The following FBXL4 variants were observed in gnomAD, a reference collection of about 807,000 sequenced individuals.
FBXL4 encodes the protein F-box and leucine rich repeat protein 4.
A neutral mutation model predicts 58.9 loss-of-function variants in FBXL4; 40 were observed. The observed-to-expected ratio is 0.68, with a 90% CI of 0.53 to 0.88. The LOEUF is 0.88. FBXL4 is among the 40% of genes least tolerant of loss of function. The probability of loss-of-function intolerance (pLI) is 0.00; values close to 1 mark genes in which losing one functional copy is unlikely to be tolerated. For synonymous variants in FBXL4, 263 were observed against 265.5 expected (o/e 0.99, Z 0.09); for missense variants, 676 against 734.4 (o/e 0.92, Z 0.92).
At chr6:98,927,200 A>T (rs1772825338) in intron 3 of FBXL4, 140 bp from the exon 4 acceptor site, 1 of 488,968 alleles carries the variant, frequency 2.0e-6, no homozygotes, top group Admixed American at 3.7e-5. Flanking sequence ...TACAAATGTG[A>T]AGTCTGGTAT....
At chr6:98,890,973 A>C (rs1771206163) in intron 7 of FBXL4, among the ~76,000 whole-genome samples, 1 of 152,224 alleles carries the variant, frequency 6.6e-6, no homozygotes, top group Non-Finnish European at 1.5e-5. Flanking sequence ...AACTATTTAA[A>C]GTACTTGAAA....
chr6:98,921,406 T>C (rs900125773), intron 4 of FBXL4, among the ~76,000 whole-genome samples: 21 of 151,374 alleles, frequency 1.4e-4, no homozygotes, highest in Admixed American at 2.0e-4. Flanking sequence ...AGCCAGTAAG[T>C]ATATCTAGTA....
At chr6:98,880,112 C>T (rs1163043791) in intron 8 of FBXL4, among the ~76,000 whole-genome samples, 2 of 151,940 alleles carry the variant, frequency 1.3e-5, no homozygotes, top group African/African-American at 4.8e-5. Flanking sequence ...GTAAAACAAA[C>T]ACAAAAACAA....
Position 98,871,897 on chromosome 6 carries a change from C to T in FBXL4, c.*2381G>A, listed in dbSNP as rs913407118. 2.0e-5 allele frequency: 3 copies of T among 152,114 alleles called. No homozygotes were observed. Among genetic ancestry groups the T allele is most frequent in the African/African-American group, 7.2e-5 (3 of 41,410 alleles). 9.4% of individuals were successfully genotyped at this position (152,114 alleles called of 1,614,324 possible). ...CATTTTTCTGAAAAAGAAGACATGT[C>T]CTCAATCACTATTATGGAACACTGA... On this transcript the variant is annotated 3_prime_UTR_variant, in exon 10 of 10. Coordinates refer to ENST00000369244, the MANE Select transcript of FBXL4 (RefSeq NM_001278716.2).
intron 5 of FBXL4, among the ~76,000 whole-genome samples, chr6:98,909,318 C>G (rs574844888): frequency 6.6e-6 from 1 of 152,138 alleles, no homozygotes; most frequent in Non-Finnish European, 1.5e-5. Context: ...GTCCCAATCA[C>G]TGTCATCTAT....
intron 4 of FBXL4, among the ~76,000 whole-genome samples, chr6:98,918,695 C>T (rs1772466707): frequency 6.6e-6 from 1 of 151,860 alleles, no homozygotes; most frequent in Admixed American, 6.6e-5. Flanking sequence ...TTCTCTATTC[C>T]TAATTATTTA....
rs368561626 is a variant in FBXL4, at chr6:98,926,217, T to C, written c.512+260A>G. Reference sequence around the variant, plus strand: ...CCCATGTCCCTATGAGTTCAAATTGTGCTTTTTGGTTTTGGTAAATTTTAT... The same window carrying C: ...CCCATGTCCCTATGAGTTCAAATTGCGCTTTTTGGTTTTGGTAAATTTTAT... On this transcript the variant is annotated intron_variant, in intron 4 of 9. Transcript: ENST00000369244. Among the ~76,000 whole-genome samples the C allele has an allele frequency of 1.1e-4, 17 of 152,296 alleles. 1 individual carries two copies. Among genetic ancestry groups the C allele is most frequent in the African/African-American group, 4.1e-4 (17 of 41,560 alleles).
chr6:98,906,283 G>A (rs754706793), intron 5 of FBXL4, among the ~76,000 whole-genome samples: 50 of 151,620 alleles, frequency 3.3e-4, no homozygotes, highest in Admixed American at 1.4e-3. Flanking sequence ...CCATCAACCC[G>A]TCACCTACAT....
intron 6 of FBXL4, among the ~76,000 whole-genome samples, chr6:98,900,889 C>T (rs1425842667): frequency 6.6e-6 from 1 of 152,144 alleles, no homozygotes. Context: ...CACATAACTC[C>T]CTCTCTTGGA....
At chr6:98,893,595 AG>A (rs985799906) in intron 7 of FBXL4, among the ~76,000 whole-genome samples, 3 of 152,234 alleles carry the variant, frequency 2.0e-5, no homozygotes, top group African/African-American at 7.2e-5. Flanking sequence ...TACGAATTTC[AG>A]GGAGATACAA....
chr6:98,929,052 T>C (rs1413496270), intron 2 of FBXL4, among the ~76,000 whole-genome samples: 4 of 152,160 alleles, frequency 2.6e-5, no homozygotes, highest in Non-Finnish European at 5.9e-5. Context: ...TTTCTCAAAG[T>C]ACACAGTACA....
rs756122748 is a variant in FBXL4 at position 98,934,824 on chromosome 6, A to C, written c.-253T>G. The C allele has an allele frequency of 2.6e-5, 4 of 152,328 alleles. No homozygotes were observed. The South Asian group carries it at 6.2e-4, about 24-fold the overall frequency. 9.4% of individuals were successfully genotyped at this position (152,328 alleles called of 1,614,324 possible). On this transcript the variant is annotated 5_prime_UTR_variant, in exon 2 of 10. Transcript: ENST00000369244. Reference sequence around the variant, plus strand: ...TATCCAGCTTCAAAGCTTCTTGAAAATCCAAGCGAATGAAGCAAATGGAGA... The same window carrying C: ...TATCCAGCTTCAAAGCTTCTTGAAACTCCAAGCGAATGAAGCAAATGGAGA...
At chr6:98,908,741 C>T (rs75542372) in intron 5 of FBXL4, among the ~76,000 whole-genome samples, 1 of 150,802 alleles carries the variant, frequency 6.6e-6, no homozygotes, top group African/African-American at 2.4e-5. Context: ...TTTTTTTTAA[C>T]AACAGAAACA....
At position 98,896,961 on chromosome 6, in the gene FBXL4, G is replaced by A; in HGVS notation, c.1317+2307C>T. On this transcript the variant is annotated intron_variant, in intron 7 of 9. Coordinates refer to ENST00000369244, the MANE Select transcript of FBXL4 (RefSeq NM_001278716.2). ...GAAAACTGTAGACTAATAATTCTCT[G>A]ACACTTAGATCACATTACTATACAA... 7 of 985,100 alleles carry A rather than the reference G, an allele frequency of 7.1e-6. No individual in the cohort carries two copies. In the African/African-American group the frequency reaches 1.0e-4, roughly 15 times the overall value. The allele number at this position is 985,100 out of a possible 1,614,324, so 61.0% of individuals were successfully genotyped here. A position where few individuals can be genotyped will look rare whatever the true frequency, so the allele number is the denominator to read the frequency against.
At position 98,926,697 on chromosome 6, in the gene FBXL4, G is replaced by A. The variant is rs1554222130; in HGVS notation, c.292C>T (p.Arg98Ter). The A allele has an allele frequency of 2.2e-5, 35 of 1,614,054 alleles. No individual in the cohort carries two copies. Among genetic ancestry groups the A allele is most frequent in the Non-Finnish European group, 2.9e-5 (34 of 1,180,042 alleles). Residue 98 changes from arginine to a stop codon, truncating the protein, a stop_gained, in exon 4 of 10, where the codon CGA becomes TGA. Coordinates refer to ENST00000369244, the MANE Select transcript of FBXL4 (RefSeq NM_001278716.2). LOFTEE classifies it high-confidence loss of function. Reference sequence around the variant, plus strand: ...TGATCCCACCATGTCCCATAAGTTCGAAACACAGCTGTCTGAGTAAAGTCA... The same window carrying A: ...TGATCCCACCATGTCCCATAAGTTCAAAACACAGCTGTCTGAGTAAAGTCA... ...SGDFTQTAVF[R>*]TYGTWWDQCP...
At chr6:98,879,678 C>T (rs1347583363) in intron 8 of FBXL4, among the ~76,000 whole-genome samples, 1 of 151,920 alleles carries the variant, frequency 6.6e-6, no homozygotes, top group African/African-American at 2.4e-5. Context: ...GTCAGGAGTT[C>T]AAGACCAGCC....
intron 1 of FBXL4, among the ~76,000 whole-genome samples, chr6:98,941,532 T>C (rs1194456054): frequency 6.6e-6 from 1 of 152,158 alleles, no homozygotes; most frequent in East Asian, 1.9e-4. Context: ...GATACTCTAG[T>C]ATTGATTTGG....
chr6:98,936,326 C>A (rs1372037995), intron 1 of FBXL4, among the ~76,000 whole-genome samples: 2 of 152,202 alleles, frequency 1.3e-5, no homozygotes, highest in East Asian at 3.8e-4. Flanking sequence ...ACAACCTATG[C>A]CAAGCAAAAA....
intron 2 of FBXL4, among the ~76,000 whole-genome samples, chr6:98,929,639 A>AG (rs1340027185): frequency 1.3e-5 from 2 of 152,090 alleles, no homozygotes. Context: ...AACAGAGGTC[A>AG]GGGGCTGAAG....
Sources: allele counts gnomAD v4.1 joint callset (sites outside exome capture counted in the v4.1 genomes callset), GRCh38; gene constraint gnomAD v4.1.1; transcripts MANE v1.5; gene names NCBI Gene and HGNC (gene_info 2026-07-23, HGNC 2026-07-21).